Variants in RIN3 observed in about 807,000 individuals in gnomAD.
RIN3 encodes RAB5 interacting protein 3.
RIN3 carries 54 observed loss-of-function variants against 76.3 expected under a neutral mutation model. That is an observed-to-expected ratio of 0.71 (90% confidence interval 0.57 to 0.89). The LOEUF (loss-of-function observed/expected upper bound fraction) is 0.89. Among genes scored for constraint, RIN3 ranks in the 40% least tolerant of loss-of-function variants. RIN3 has a pLI of 0.00. For synonymous variants in RIN3, 576 were observed against 564.0 expected (o/e 1.02, Z -0.30); for missense variants, 1,256 against 1,322.1 (o/e 0.95, Z 0.78).
At chr14:92,666,272 C>T (rs1194700521) in intron 7 of RIN3, among the ~76,000 whole-genome samples, 1 of 152,202 alleles carries the variant, frequency 6.6e-6, no homozygotes, top group East Asian at 1.9e-4. Flanking sequence ...GGGCGGGCCG[C>T]TAGCAAGACC....
chr14:92,677,579 A>C (rs1888513876), intron 8 of RIN3, among the ~76,000 whole-genome samples: 1 of 151,678 alleles, frequency 6.6e-6, no homozygotes, highest in South Asian at 2.1e-4. Context: ...TGTCATATAT[A>C]ACTTTGGCTA....
At chr14:92,520,318 C>G (rs1296124821) in intron 1 of RIN3, among the ~76,000 whole-genome samples, 3 of 152,114 alleles carry the variant, frequency 2.0e-5, no homozygotes, top group Non-Finnish European at 4.4e-5. Flanking sequence ...GCCCCAGAGC[C>G]TGGCTCTACA....
intron 7 of RIN3, among the ~76,000 whole-genome samples, chr14:92,675,253 A>G (rs1049512254): frequency 3.3e-5 from 5 of 152,162 alleles, no homozygotes; most frequent in Non-Finnish European, 7.3e-5. Context: ...TATGTTTCCT[A>G]TAGTATCATC....
intron 2 of RIN3, chr14:92,576,348 G>A: frequency 7.8e-7 from 1 of 1,289,854 alleles, no homozygotes; most frequent in Non-Finnish European, 1.0e-6. Context: ...AGAAGCGAGT[G>A]TCCGTCAACA....
chr14:92,672,848 A>C (rs1165320268), intron 7 of RIN3, among the ~76,000 whole-genome samples: 1 of 152,190 alleles, frequency 6.6e-6, no homozygotes, highest in Non-Finnish European at 1.5e-5. Flanking sequence ...AGCTCCAGGC[A>C]ACCACTCATC....
intron 9 of RIN3, chr14:92,686,063 TGA>T (rs1888846716): frequency 6.6e-6 from 1 of 152,206 alleles, no homozygotes; most frequent in South Asian, 2.1e-4. Context: ...TAAAAAAGGG[TGA>T]GAGTTGGACT....
intron 1 of RIN3, among the ~76,000 whole-genome samples, chr14:92,537,093 A>G (rs1897018737): frequency 6.6e-6 from 1 of 152,120 alleles, no homozygotes; most frequent in Admixed American, 6.5e-5. Context: ...CCTTCCTGAC[A>G]CTAGCTTCCT....
intron 4 of RIN3, among the ~76,000 whole-genome samples, chr14:92,635,649 T>G (rs568266727): frequency 7.2e-5 from 11 of 152,018 alleles, no homozygotes; most frequent in Non-Finnish European, 1.2e-4. Flanking sequence ...GTTAGGAGTT[T>G]GAGACCAGCC....
intron 1 of RIN3, among the ~76,000 whole-genome samples, chr14:92,538,085 A>G (rs1897048396): frequency 7.0e-6 from 1 of 143,192 alleles, no homozygotes; most frequent in East Asian, 1.9e-4. Context: ...TCGGCCTCCC[A>G]AAGTGCTGGG....
rs748132935 is a variant in RIN3, at chr14:92,659,163, G to A, written c.2029G>A (p.Ala677Thr). 1.2e-6 allele frequency: 2 copies of A among 1,613,926 alleles called. No homozygotes were observed. The highest frequency in any genetic ancestry group is 1.7e-6 in the Non-Finnish European group (2 of 1,179,926). The change falls in exon 7 of 10, where the codon GCA becomes ACA. Residue 677 changes from alanine (A) to threonine (T), a missense_variant and splice_region_variant. Physicochemically the swap from Ala to Thr is moderately conservative, Grantham distance 58. Coordinates refer to ENST00000216487, the MANE Select transcript of RIN3 (RefSeq NM_024832.5). ...CTCGCTCTCTTGTTTACCTGCAGAA[G>A]CAATTGTAGAGTCTGCCTTGTACAA... ...PALHSEEELE[A>T]IVESALYKCV...
At chr14:92,597,579 C>T (rs1170089119) in intron 3 of RIN3, among the ~76,000 whole-genome samples, 1 of 152,168 alleles carries the variant, frequency 6.6e-6, no homozygotes, top group Non-Finnish European at 1.5e-5. Context: ...TCTCAGTTTC[C>T]TCATCTGTAA....
intron 4 of RIN3, among the ~76,000 whole-genome samples, chr14:92,636,284 A>G (rs1886773639): frequency 6.6e-6 from 1 of 152,178 alleles, no homozygotes; most frequent in African/African-American, 2.4e-5. Context: ...TTGGATGACC[A>G]TCAAAAGAAG....
chr14:92,661,866 T>C (rs931086094), intron 7 of RIN3, among the ~76,000 whole-genome samples: 2 of 152,154 alleles, frequency 1.3e-5, no homozygotes, highest in African/African-American at 4.8e-5. Context: ...AGGGTTGTAG[T>C]AGAAGCAGGA....
intron 7 of RIN3, among the ~76,000 whole-genome samples, chr14:92,663,041 G>C (rs981955394): frequency 6.6e-6 from 1 of 152,042 alleles, no homozygotes; most frequent in African/African-American, 2.4e-5. Flanking sequence ...GAACTCCTGA[G>C]CTCAAGCAAT....
chr14:92,608,643 T>C (rs1231403525), intron 3 of RIN3, among the ~76,000 whole-genome samples: 1 of 152,100 alleles, frequency 6.6e-6, no homozygotes, highest in African/African-American at 2.4e-5. Context: ...CAAATGATCC[T>C]CCTGCATCAG....
chr14:92,541,657 C>G (rs1897134465), intron 1 of RIN3, among the ~76,000 whole-genome samples: 1 of 152,140 alleles, frequency 6.6e-6, no homozygotes, highest in African/African-American at 2.4e-5. Context: ...AAAACTAACT[C>G]AAAATAGGAC....
At chr14:92,667,510 C>T (rs1273578319) in intron 7 of RIN3, among the ~76,000 whole-genome samples, 2 of 150,830 alleles carry the variant, frequency 1.3e-5, no homozygotes, top group East Asian at 3.9e-4. Flanking sequence ...GAGCAAGACT[C>T]CGTCTCAAAA....
At chr14:92,578,876 C>A (rs1466120660) in intron 3 of RIN3, among the ~76,000 whole-genome samples, 1 of 152,014 alleles carries the variant, frequency 6.6e-6, no homozygotes, top group Admixed American at 6.6e-5. Context: ...CATTAGTGAT[C>A]TTGTGGCCTC....
chr14:92,579,171 G>A (rs914340249), intron 3 of RIN3, among the ~76,000 whole-genome samples: 4 of 151,820 alleles, frequency 2.6e-5, no homozygotes, highest in East Asian at 1.9e-4. Flanking sequence ...CAGGTGATCC[G>A]CCTGCCTCAG....
Sources: gnomAD v4.1 joint callset for allele counts (sites outside exome capture counted in the v4.1 genomes callset) on GRCh38, gnomAD v4.1.1 for gene constraint, MANE v1.5 for transcripts, NCBI Gene and HGNC (gene_info 2026-07-23, HGNC 2026-07-21) for gene names.